The following NBEA variants were observed in gnomAD, a reference collection of about 807,000 sequenced individuals.
NBEA encodes the protein lysosomal-trafficking regulator 2.
Under a neutral mutation model 343.4 loss-of-function variants are expected in NBEA, and 44 were observed. The ratio of observed to expected loss-of-function variants is 0.13; its 90% CI spans 0.10 to 0.16. The LOEUF (loss-of-function observed/expected upper bound fraction) is 0.16. Ranked by LOEUF, NBEA falls within the 10% of genes least tolerant of loss-of-function variation. The pLI, the probability that NBEA is intolerant of heterozygous loss-of-function variation, is 1.00. For synonymous variants in NBEA, 1,175 were observed against 1,238.7 expected, an observed-to-expected ratio of 0.95 and a Z score of 1.08; for missense variants, 2,555 against 3,631.3, an observed-to-expected ratio of 0.70 and a Z score of 7.62.
chr13:35,353,352 T>C (rs1157194410), intron 38 of NBEA, among the ~76,000 whole-genome samples: 2 of 151,984 alleles, frequency 1.3e-5, no homozygotes, highest in Non-Finnish European at 2.9e-5. Flanking sequence ...CAAGAATTGC[T>C]TGAACCCAGG....
At chr13:35,562,155 A>G (rs990364873) in intron 44 of NBEA, among the ~76,000 whole-genome samples, 1 of 152,110 alleles carries the variant, frequency 6.6e-6, no homozygotes, top group Non-Finnish European at 1.5e-5. Flanking sequence ...ACTACATGAG[A>G]GTCCAACCTA....
chr13:35,440,069 AG>A, intron 39 of NBEA, among the ~76,000 whole-genome samples: 1 of 152,244 alleles, frequency 6.6e-6, no homozygotes, highest in South Asian at 2.1e-4. Flanking sequence ...TAGTAGAGAC[AG>A]GGTTTCACCA....
intron 17 of NBEA, among the ~76,000 whole-genome samples, chr13:35,131,813 TAAATC>T (rs1359897662): frequency 6.6e-6 from 1 of 152,186 alleles, no homozygotes; most frequent in African/African-American, 2.4e-5. Flanking sequence ...TAAAAACTAA[TAAATC>T]AAACAGAGTG....
intron 38 of NBEA, among the ~76,000 whole-genome samples, chr13:35,421,337 T>G (rs532852081): frequency 6.6e-6 from 1 of 152,080 alleles, no homozygotes; most frequent in African/African-American, 2.4e-5. Flanking sequence ...TATCCCTTTG[T>G]GTAGCTTTTT....
At chr13:35,260,755 T>C (rs1460469114) in intron 34 of NBEA, among the ~76,000 whole-genome samples, 1 of 152,182 alleles carries the variant, frequency 6.6e-6, no homozygotes, top group Non-Finnish European at 1.5e-5. Flanking sequence ...AGCAAGAAAT[T>C]TCTAGAGCTC....
chr13:35,077,146 T>G (rs1044262080), intron 10 of NBEA, among the ~76,000 whole-genome samples: 2 of 152,100 alleles, frequency 1.3e-5, no homozygotes, highest in African/African-American at 4.8e-5. Flanking sequence ...ACTAAGGAGA[T>G]TCTAGCTAAC....
At chr13:35,141,424 G>A (rs1344293803) in intron 17 of NBEA, among the ~76,000 whole-genome samples, 1 of 152,014 alleles carries the variant, frequency 6.6e-6, no homozygotes, top group East Asian at 1.9e-4. Context: ...GTGCCACCAC[G>A]CCCAGCTAAT....
chr13:35,625,155 A>G (rs926416063), intron 48 of NBEA, among the ~76,000 whole-genome samples: 4 of 152,212 alleles, frequency 2.6e-5, no homozygotes, highest in African/African-American at 7.2e-5. Context: ...ATTTATCTCT[A>G]TAATTCAAGA....
intron 40 of NBEA, among the ~76,000 whole-genome samples, chr13:35,460,783 C>A (rs1197878788): frequency 6.6e-6 from 1 of 152,178 alleles, no homozygotes; most frequent in Non-Finnish European, 1.5e-5. Context: ...AGTTCATTTT[C>A]TGTTGTTTAT....
intron 39 of NBEA, among the ~76,000 whole-genome samples, chr13:35,434,402 C>T (rs1475276893): frequency 1.3e-5 from 2 of 151,882 alleles, no homozygotes; most frequent in Non-Finnish European, 2.9e-5. Context: ...CGTTCAGAAC[C>T]CATTATCTAT....
Position 35,060,810 on chromosome 13 carries a change from T to C in NBEA, c.1239+1947T>C, listed in dbSNP as rs918657457. On this transcript the variant is annotated intron_variant, in intron 8 of 58. Coordinates refer to ENST00000379939, the MANE Select transcript of NBEA (RefSeq NM_001385012.1). ...GAAAACCTGAGTAGTTCACACATTA[T>C]AGTCACAATTATCTTGGTAAAGTCA... 6.6e-5 allele frequency among the ~76,000 whole-genome samples: 10 copies of C among 151,672 alleles called. No homozygotes were observed. In the Admixed American group the frequency reaches 6.6e-4, roughly 10 times the overall value.
chr13:35,091,663 A>G (rs751780994), intron 10 of NBEA, among the ~76,000 whole-genome samples: 15 of 152,118 alleles, frequency 9.9e-5, no homozygotes, highest in African/African-American at 1.9e-4. Context: ...ACAATGTACA[A>G]TGTGAAACCA....
intron 34 of NBEA, among the ~76,000 whole-genome samples, chr13:35,256,043 CA>C (rs2032555101): frequency 6.6e-6 from 1 of 151,942 alleles, no homozygotes; most frequent in Admixed American, 6.6e-5. Context: ...TTTCCACAGG[CA>C]AGTAGTCCTG....
intron 34 of NBEA, 104 bp downstream of exon 34, chr13:35,232,723 A>G: frequency 1.2e-6 from 1 of 869,452 alleles, no homozygotes; most frequent in Non-Finnish European, 1.6e-6. Context: ...AAGAATGTAA[A>G]GGCATTACTT....
At chr13:35,670,800 G>A (rs953257075) in intron 58 of NBEA, 101 bp from the exon 59 acceptor site, 5 of 745,162 alleles carry the variant, frequency 6.7e-6, no homozygotes, top group Non-Finnish European at 1.1e-5. Context: ...TCGTGATATT[G>A]TCTAGTGTAA....
At chr13:35,265,111 A>T (rs2033561968) in intron 34 of NBEA, among the ~76,000 whole-genome samples, 1 of 151,900 alleles carries the variant, frequency 6.6e-6, no homozygotes, top group Admixed American at 6.6e-5. Context: ...TTGTGAAAGA[A>T]ATCAAGAAAT....
intron 38 of NBEA, among the ~76,000 whole-genome samples, chr13:35,380,579 A>T (rs1169635562): frequency 6.6e-6 from 1 of 152,154 alleles, no homozygotes; most frequent in African/African-American, 2.4e-5. Context: ...TTAAAATTTG[A>T]CTATGAACTT....
At chr13:35,162,118 A>G (rs1365795894) in intron 23 of NBEA, among the ~76,000 whole-genome samples, 151 bp downstream of exon 23, 3 of 152,174 alleles carry the variant, frequency 2.0e-5, no homozygotes, top group Non-Finnish European at 4.4e-5. Context: ...ACCATGTACT[A>G]AATTTATTAG....
intron 56 of NBEA, among the ~76,000 whole-genome samples, chr13:35,666,118 G>A (rs2085341844): frequency 6.6e-6 from 1 of 151,750 alleles, no homozygotes; most frequent in African/African-American, 2.4e-5. Flanking sequence ...GGAATGAGAA[G>A]GCTGAAGGGA....
Sources: gnomAD v4.1 joint callset for allele counts (sites outside exome capture counted in the v4.1 genomes callset) on GRCh38, gnomAD v4.1.1 for gene constraint, MANE v1.5 for transcripts, NCBI Gene and HGNC (gene_info 2026-07-23, HGNC 2026-07-21) for gene names.